KCNH4: variants seen among roughly 807,000 people sequenced by gnomAD.
The protein encoded by KCNH4 is voltage-gated delayed rectifier potassium channel KCNH4.
A neutral mutation model predicts 90.7 loss-of-function variants in KCNH4; 33 were observed. The observed-to-expected ratio is 0.36, with a 90% CI of 0.28 to 0.49. The LOEUF is 0.49. KCNH4 is among the 20% of genes least tolerant of loss of function. The pLI is 0.98. For synonymous variants in KCNH4, 551 were observed against 581.7 expected (o/e 0.95, Z 0.76); for missense variants, 1,044 against 1,387.1 (o/e 0.75, Z 3.93).
rs758876576 is a variant in KCNH4, at chr17:42,162,325, C to T, written c.2585-4G>A. ...AATTCTGGGCTGGGCCTGGTCCCTG[C>T]AGGGTGAAGGGATGCAGGTGAGTTC... On this transcript the variant is annotated splice_region_variant and splice_polypyrimidine_tract_variant and intron_variant, in intron 14 of 16. Transcript: ENST00000264661. 1.9e-6 allele frequency: 3 copies of T among 1,613,560 alleles called. No homozygotes were observed. The highest frequency in any genetic ancestry group is 4.5e-5 in the East Asian group (2 of 44,842).
rs201767985 is a variant in KCNH4, at chr17:42,157,680, TC to T, written c.*310-563del. 4.6e-3 allele frequency among the ~76,000 whole-genome samples: 702 copies of T among 152,258 alleles called. 6 individuals carry two copies. The highest frequency in any genetic ancestry group is 0.016 in the African/African-American group (678 of 41,554). Reference sequence around the variant, plus strand: ...TGGAGTGCAGTGGTGTGATCACTGCTCACTGCAGCCTCAACCTCCTGGGCTC... The same window carrying T: ...TGGAGTGCAGTGGTGTGATCACTGCTACTGCAGCCTCAACCTCCTGGGCTC... On this transcript the variant is annotated intron_variant, in intron 16 of 16. Coordinates refer to ENST00000264661, the MANE Select transcript of KCNH4 (RefSeq NM_012285.3).
At chr17:42,165,237 C>T (rs572808755) in intron 11 of KCNH4, among the ~76,000 whole-genome samples, 5 of 151,754 alleles carry the variant, frequency 3.3e-5, no homozygotes, top group African/African-American at 7.2e-5. Flanking sequence ...GAGTAGATGG[C>T]GATGAGAGAC....
At chr17:42,178,750 T>C (rs763383402) in intron 2 of KCNH4, 43 bp downstream of exon 2, 12 of 1,536,848 alleles carry the variant, frequency 7.8e-6, no homozygotes, top group Non-Finnish European at 9.8e-6. Context: ...TGGATAAGGC[T>C]AGGGGTCTAG....
Position 42,162,235 on chromosome 17 carries a change from A to G in KCNH4, c.2658+13T>C, listed in dbSNP as rs1250717482. On this transcript the variant is annotated intron_variant, in intron 15 of 16. Transcript: ENST00000264661. ...GTTATATCAGGCACGTCTCTGAGCCAGCCCCAACCCACCTCCTGGTTCAGC... is the reference window on the plus strand; with the variant it reads ...GTTATATCAGGCACGTCTCTGAGCCGGCCCCAACCCACCTCCTGGTTCAGC... The G allele has an allele frequency of 6.2e-7, 1 of 1,613,288 alleles. No homozygotes were observed. Among genetic ancestry groups the G allele is most frequent in the East Asian group, 2.2e-5 (1 of 44,856 alleles).
chr17:42,163,414 C>T lies in KCNH4; in HGVS notation c.2478-80G>A. 1 of 1,049,928 alleles carries T rather than the reference C, an allele frequency of 9.5e-7. No homozygotes were observed. The highest frequency in any genetic ancestry group is 1.4e-6 in the Non-Finnish European group (1 of 693,262). 65.0% of individuals were successfully genotyped at this position (1,049,928 alleles called of 1,614,324 possible). On this transcript the variant is annotated intron_variant, in intron 13 of 16. Coordinates refer to ENST00000264661, the MANE Select transcript of KCNH4 (RefSeq NM_012285.3). The surrounding 1 kb of genome is among the most constrained non-coding windows in gnomAD (Gnocchi z 5.4). Reference sequence around the variant, plus strand: ...AGAGCAGACAGAGGGGGACTGGGGGCAGCAGTGCCAGGGGGCGGAGCAAGA... The same window carrying T: ...AGAGCAGACAGAGGGGGACTGGGGGTAGCAGTGCCAGGGGGCGGAGCAAGA...
intron 1 of KCNH4, among the ~76,000 whole-genome samples, chr17:42,179,827 C>T (rs950128672): frequency 1.3e-5 from 2 of 152,258 alleles, no homozygotes; most frequent in African/African-American, 4.8e-5. Flanking sequence ...ATAGCTCCAG[C>T]AACCCCCAGC....
At chr17:42,177,732 G>T (rs1416961817) in intron 4 of KCNH4, among the ~76,000 whole-genome samples, 1 of 152,182 alleles carries the variant, frequency 6.6e-6, no homozygotes, top group Non-Finnish European at 1.5e-5. Context: ...TGGTACACAG[G>T]TCTAGATGCC....
chr17:42,174,321 G>A (rs2079847687), intron 6 of KCNH4, among the ~76,000 whole-genome samples: 1 of 152,138 alleles, frequency 6.6e-6, no homozygotes. Context: ...GTGATGATGA[G>A]TGTGAAAGAA....
In KCNH4 at chr17:42,159,931, G is replaced by C; in HGVS notation, c.*109C>G. On this transcript the variant is annotated 3_prime_UTR_variant, in exon 16 of 17. Coordinates refer to ENST00000264661, the MANE Select transcript of KCNH4 (RefSeq NM_012285.3). ...AAGTCCAGAAATCCAGAGCCAACCA[G>C]GCCAGCTGGTGGCTGCTGACCCCAA... 1 of 781,848 alleles carries C rather than the reference G, an allele frequency of 1.3e-6. No individual in the cohort carries two copies. The highest frequency in any genetic ancestry group is 1.9e-6 in the Non-Finnish European group (1 of 532,024). 48.4% of individuals were successfully genotyped at this position (781,848 alleles called of 1,614,324 possible).
At chr17:42,177,538 G>A (rs889682198) in intron 4 of KCNH4, among the ~76,000 whole-genome samples, 5 of 152,154 alleles carry the variant, frequency 3.3e-5, no homozygotes, top group East Asian at 1.9e-4. Context: ...ATGACAAATC[G>A]GCACATGCCC....
chr17:42,173,739 C>T (rs975157002), intron 6 of KCNH4, among the ~76,000 whole-genome samples: 2 of 110,452 alleles, frequency 1.8e-5, no homozygotes, highest in African/African-American at 3.5e-5. Context: ...GAGTCCCTGT[C>T]GCCCAGGCTG....
intron 4 of KCNH4, 89 bp downstream of exon 4, chr17:42,178,011 C>T (rs1382414687): frequency 6.5e-7 from 1 of 1,530,650 alleles, no homozygotes; most frequent in Non-Finnish European, 8.8e-7. Flanking sequence ...GGACACCAGA[C>T]AGACAGGGAA....
Position 42,178,128 on chromosome 17 carries a change from C to A in KCNH4, c.557G>T (p.Arg186Leu). The A allele has an allele frequency of 6.2e-7, 1 of 1,614,092 alleles. No homozygotes were observed. The highest frequency in any genetic ancestry group is 8.5e-7 in the Non-Finnish European group (1 of 1,179,978). The change falls in exon 4 of 17, where the codon CGG becomes CTG. Residue 186 changes from arginine to leucine, a missense_variant. Physicochemically the swap from Arg to Leu is moderately radical, Grantham distance 102. Transcript: ENST00000264661. ...LHRLTGHFGR[R>L]GQGGMKANNN... is the part of the protein sequence containing the mutation. ...ATTGGCCTTCATGCCTCCCTGGCCC[C>A]GGCGGCCAAAGTGGCCGGTCAGTCG...
rs1015365156 is a variant in KCNH4 at position 42,158,841 on chromosome 17, A to AAT, written c.*309+888_*309+889dup. On this transcript the variant is annotated intron_variant, in intron 16 of 16. Transcript: ENST00000264661. ...CAGAGTGAGACTCCGTCTATAAAAA[A>AAT]ATATATATATATATATTTTTTTTAT... Among the ~76,000 whole-genome samples, 85 of 148,884 alleles carry AAT rather than the reference A, an allele frequency of 5.7e-4. 1 individual carries two copies. The highest frequency in any genetic ancestry group is 1.4e-3 in the East Asian group (7 of 5,084).
chr17:42,171,509 A>G (rs575560750), intron 7 of KCNH4, among the ~76,000 whole-genome samples: 4 of 152,044 alleles, frequency 2.6e-5, no homozygotes, highest in Admixed American at 1.3e-4. Context: ...TGCCTGAAAC[A>G]CACCCCTCCA....
rs1425488189 is a variant in KCNH4 at position 42,163,089 on chromosome 17, G to A, written c.2584+139C>T. On this transcript the variant is annotated intron_variant, in intron 14 of 16. Coordinates refer to ENST00000264661, the MANE Select transcript of KCNH4 (RefSeq NM_012285.3). This position sits in a 1 kb window ranked among gnomAD's most constrained non-coding sequence, Gnocchi z 5.4. ...TGTCTCCCTGCTAGACTTACTCCAA[G>A]AGCGTGGGCCAGGTCTGTTTTATCT... is the stretch of plus-strand genomic sequence containing the variant. 1.5e-6 allele frequency: 1 copy of A among 667,854 alleles called. No homozygotes were observed. Among genetic ancestry groups the A allele is most frequent in the Non-Finnish European group, 2.7e-6 (1 of 364,950 alleles). The allele number at this position is 667,854 out of a possible 1,614,324, so 41.4% of individuals were successfully genotyped here. A position where few individuals can be genotyped will look rare whatever the true frequency, so the allele number is the denominator to read the frequency against.
At chr17:42,172,837 G>A (rs1348775127) in intron 6 of KCNH4, among the ~76,000 whole-genome samples, 1 of 151,882 alleles carries the variant, frequency 6.6e-6, no homozygotes, top group Non-Finnish European at 1.5e-5. Flanking sequence ...CAGTAGCGAC[G>A]GCAGCAATTG....
chr17:42,178,748 G>C (rs1239661406), intron 2 of KCNH4, 45 bp downstream of exon 2: 1 of 1,529,350 alleles, frequency 6.5e-7, no homozygotes, highest in Non-Finnish European at 9.0e-7. Flanking sequence ...TCTGGATAAG[G>C]CTAGGGGTCT....
At chr17:42,164,080 C>T in intron 12 of KCNH4, 50 bp downstream of exon 12, 1 of 1,540,456 alleles carries the variant, frequency 6.5e-7, no homozygotes, top group Non-Finnish European at 8.8e-7. Context: ...TGCTACCCAT[C>T]TCACCCTCTC....
Sources: allele counts gnomAD v4.1 joint callset (sites outside exome capture counted in the v4.1 genomes callset), GRCh38; gene constraint gnomAD v4.1.1; non-coding constraint Gnocchi (gnomAD v3.1); transcripts MANE v1.5; gene names NCBI Gene and HGNC (gene_info 2026-07-23, HGNC 2026-07-21).